The following TRIO variants were observed in gnomAD, a reference collection of about 807,000 sequenced individuals.
TRIO encodes triple functional domain protein.
In TRIO, 58 loss-of-function variants were observed where a neutral mutation model predicts 351.9. The ratio of observed to expected loss-of-function variants is 0.16; its 90% CI spans 0.13 to 0.21. TRIO has a LOEUF of 0.21. Ranked by LOEUF, TRIO falls within the 10% of genes least tolerant of loss-of-function variation. The pLI, the probability that TRIO is intolerant of heterozygous loss-of-function variation, is 1.00. For synonymous variants in TRIO, 1,758 were observed against 1,595.7 expected (o/e 1.10, Z -2.42); for missense variants, 3,201 against 4,027.8 (o/e 0.79, Z 5.56).
At chr5:14,444,024 C>T (rs916972937) in intron 34 of TRIO, among the ~76,000 whole-genome samples, 2 of 151,954 alleles carry the variant, frequency 1.3e-5, no homozygotes, top group Admixed American at 1.3e-4. Context: ...TAACACTGAA[C>T]AGACTCTTAC....
chr5:14,429,376 T>C (rs1347420989), intron 34 of TRIO, among the ~76,000 whole-genome samples: 1 of 152,174 alleles, frequency 6.6e-6, no homozygotes, highest in Non-Finnish European at 1.5e-5. Context: ...GATTTTGTGA[T>C]TATATTGTAC....
intron 9 of TRIO, among the ~76,000 whole-genome samples, chr5:14,329,684 A>G (rs1399693197): frequency 6.6e-6 from 1 of 152,264 alleles, no homozygotes; most frequent in African/African-American, 2.4e-5. Flanking sequence ...GCATTAACAA[A>G]TATGTTTAAA....
At chr5:14,507,836 A>G in intron 56 of TRIO, 44 bp from the exon 57 acceptor site, 2 of 1,580,458 alleles carry the variant, frequency 1.3e-6, no homozygotes, top group Non-Finnish European at 1.7e-6. Context: ...GAGTAAGCTT[A>G]AGATTGGATG....
At chr5:14,198,975 C>T (rs1025163827) in intron 1 of TRIO, among the ~76,000 whole-genome samples, 12 of 151,934 alleles carry the variant, frequency 7.9e-5, no homozygotes, top group Non-Finnish European at 1.8e-4. Flanking sequence ...CGGTGGCTCA[C>T]GTCTATAATC....
intron 13 of TRIO, 56 bp from the exon 14 acceptor site, chr5:14,363,672 AGAGT>A: frequency 6.6e-7 from 1 of 1,509,024 alleles, no homozygotes. Flanking sequence ...TACTTGGTAC[AGAGT>A]GAGAGGTGGC....
intron 2 of TRIO, among the ~76,000 whole-genome samples, chr5:14,273,691 C>T (rs1581500244): frequency 6.6e-6 from 1 of 152,322 alleles, no homozygotes; most frequent in South Asian, 2.1e-4. Flanking sequence ...CCTCACAAGA[C>T]TACCAAACCT....
chr5:14,391,016 C>T (rs1747036526), intron 27 of TRIO, 26 bp downstream of exon 27: 1 of 1,545,918 alleles, frequency 6.5e-7, no homozygotes, highest in South Asian at 1.2e-5. Context: ...CTAAAGAGAC[C>T]ATAATTTTCC....
At chr5:14,489,042 G>A (rs1301357126) in intron 48 of TRIO, 2 of 765,288 alleles carry the variant, frequency 2.6e-6, no homozygotes, top group South Asian at 2.7e-5. Context: ...CAGATGGCCT[G>A]GCCCGTAACA....
chr5:14,402,406 A>G (rs1748151230), intron 31 of TRIO, among the ~76,000 whole-genome samples: 1 of 152,210 alleles, frequency 6.6e-6, no homozygotes, highest in Non-Finnish European at 1.5e-5. Context: ...TTTGGGTAAT[A>G]CCTTTCTGAC....
Position 14,492,702 on chromosome 5 carries a change from C to T in TRIO, c.7768C>T (p.Leu2590=). The change falls in exon 49 of 57, where the codon CTG becomes TTG. Residue 2590 remains leucine, a synonymous_variant. Coordinates refer to ENST00000344204, the MANE Select transcript of TRIO (RefSeq NM_007118.4). ...GGCCAGCAACCAGCAGAACATGTTT[C>T]TGGTGTTCCGAGCCGCCACTGACCA... ...ILASNQQNMF[L]VFRAATDQCP... 5.6e-6 allele frequency: 9 copies of T among 1,614,084 alleles called. No homozygotes were observed. Among genetic ancestry groups the T allele is most frequent in the Non-Finnish European group, 7.6e-6 (9 of 1,179,980 alleles).
intron 9 of TRIO, among the ~76,000 whole-genome samples, chr5:14,324,278 T>C (rs1487467832): frequency 6.6e-6 from 1 of 152,254 alleles, no homozygotes; most frequent in Non-Finnish European, 1.5e-5. Flanking sequence ...TTCATTTGTT[T>C]CATGTATTCT....
At chr5:14,167,636 A>G (rs1011285339) in intron 1 of TRIO, among the ~76,000 whole-genome samples, 8 of 152,216 alleles carry the variant, frequency 5.3e-5, no homozygotes, top group African/African-American at 1.9e-4. Context: ...CCTTGGAAGA[A>G]CTGAGACTTG....
chr5:14,337,435 T>A (rs2152319912), intron 11 of TRIO, among the ~76,000 whole-genome samples: 1 of 152,268 alleles, frequency 6.6e-6, no homozygotes, highest in South Asian at 2.1e-4. Flanking sequence ...ACACCTTACT[T>A]CTGTGTAAAA....
intron 8 of TRIO, among the ~76,000 whole-genome samples, chr5:14,311,592 G>C (rs746444185): frequency 6.6e-6 from 1 of 152,222 alleles, no homozygotes; most frequent in Non-Finnish European, 1.5e-5. Flanking sequence ...TTTGGCCAAG[G>C]AATGTCAACT....
Position 14,509,614 on chromosome 5 carries a change from T to C in TRIO, c.*1192T>C, listed in dbSNP as rs570031138. Reference sequence around the variant, plus strand: ...CTGGACATTTACTACTTTTTAGACTTTTTGACGTTGAACTTTCTGTATAAA... The same window carrying C: ...CTGGACATTTACTACTTTTTAGACTCTTTGACGTTGAACTTTCTGTATAAA... On this transcript the variant is annotated 3_prime_UTR_variant, in exon 57 of 57. Coordinates refer to ENST00000344204, the MANE Select transcript of TRIO (RefSeq NM_007118.4). The C allele has an allele frequency of 9.8e-5, 32 of 327,866 alleles. 1 individual carries two copies. Among genetic ancestry groups the C allele is most frequent in the South Asian group, 7.3e-4 (32 of 43,564 alleles). 20.3% of individuals were successfully genotyped at this position (327,866 alleles called of 1,614,324 possible). A position where few individuals can be genotyped will look rare whatever the true frequency, so the allele number is the denominator to read the frequency against.
At chr5:14,440,360 C>T (rs532678954) in intron 34 of TRIO, among the ~76,000 whole-genome samples, 5 of 152,290 alleles carry the variant, frequency 3.3e-5, no homozygotes, top group African/African-American at 9.6e-5. Context: ...CGCACACACA[C>T]CACAGAAGCT....
intron 11 of TRIO, among the ~76,000 whole-genome samples, chr5:14,346,313 A>G (rs1019363233): frequency 6.6e-6 from 1 of 152,146 alleles, no homozygotes; most frequent in Non-Finnish European, 1.5e-5. Context: ...CGAGGGGAGC[A>G]CTCTCCAGAC....
chr5:14,291,788 TAAAAAAAAAAAA>T (rs57424190), intron 5 of TRIO, among the ~76,000 whole-genome samples: 20 of 100,942 alleles, frequency 2.0e-4, no homozygotes, highest in South Asian at 3.7e-4. Context: ...GACTCCGTCT[TAAAAAAAAAAAA>T]AAAAAAAAAA....
chr5:14,507,911 C>G lies in TRIO; in HGVS notation c.8783C>G (p.Ala2928Gly), dbSNP rs1757821187. ...PENILVDESL[A>G]KPTIKLADFG... is the part of the protein sequence containing the mutation. ...AATATCCTGGTGGATGAGAGTTTAGCCAAGCCAACCATCAAACTGGCTGAC... is the reference window on the plus strand; with the variant it reads ...AATATCCTGGTGGATGAGAGTTTAGGCAAGCCAACCATCAAACTGGCTGAC... Residue 2928 changes from alanine (A) to glycine (G), a missense_variant, in exon 57 of 57, where the codon GCC (alanine) becomes GGC (glycine). Around this residue, in one of 19 missense-constraint regions of TRIO, gnomAD observed 233 missense variants for 292.6 expected, o/e 0.80. Coordinates refer to ENST00000344204, the MANE Select transcript of TRIO (RefSeq NM_007118.4). The G allele has an allele frequency of 1.2e-6, 2 of 1,614,002 alleles. No individual in the cohort carries two copies. Among genetic ancestry groups the G allele is most frequent in the Non-Finnish European group, 1.7e-6 (2 of 1,179,954 alleles).
Sources: allele counts gnomAD v4.1 joint callset (sites outside exome capture counted in the v4.1 genomes callset), GRCh38; gene constraint gnomAD v4.1.1; regional missense constraint gnomAD v4.1.1; transcripts MANE v1.5; gene names NCBI Gene and HGNC (gene_info 2026-07-23, HGNC 2026-07-21).